Variants in P2RY12 observed in about 807,000 individuals in gnomAD.
The protein encoded by P2RY12 is purinergic receptor P2Y12, also known as P2Y purinoceptor 12.
Under a neutral mutation model 4.5 loss-of-function variants are expected in P2RY12, and 3 were observed. The ratio of observed to expected loss-of-function variants is 0.67; its 90% confidence interval spans 0.31 to 1.74. The LOEUF (loss-of-function observed/expected upper bound fraction) is 1.74, where lower values mean the gene tolerates loss of function less well. P2RY12 is among the 40% of genes most tolerant of loss of function. The probability of loss-of-function intolerance (pLI) is 0.09; values close to 1 mark genes in which losing one functional copy is unlikely to be tolerated. For missense variants in P2RY12, 356 were observed against 407.8 expected (o/e 0.87, Z 1.09); for synonymous variants, 148 against 154.1 (o/e 0.96, Z 0.29).
intron 1 of P2RY12, among the ~76,000 whole-genome samples, chr3:151,361,527 T>C (rs1234234582): frequency 6.6e-6 from 1 of 152,166 alleles, no homozygotes; most frequent in African/African-American, 2.4e-5. Flanking sequence ...CTGATAATGA[T>C]AGTAGTATTT....
In P2RY12 at chr3:151,363,319, A is replaced by G. The variant is rs1754859038; in HGVS notation, c.-180+21373T>C. On this transcript the variant is annotated intron_variant, in intron 1 of 2. Coordinates refer to ENST00000302632, the MANE Select transcript of P2RY12 (RefSeq NM_022788.5). Reference sequence around the variant, plus strand: ...AAACAAAAGCTGGATACACAGAGAGATTTCTATCAGTATGCTGATAAAACA... The same window carrying G: ...AAACAAAAGCTGGATACACAGAGAGGTTTCTATCAGTATGCTGATAAAACA... Among the ~76,000 whole-genome samples the G allele has an allele frequency of 2.6e-5, 4 of 152,320 alleles. No individual in the cohort carries two copies. The South Asian group carries it at 8.3e-4, about 32-fold the overall frequency.
At chr3:151,367,862 T>C in intron 1 of P2RY12, 1 of 1,388,074 alleles carries the variant, frequency 7.2e-7, no homozygotes, top group South Asian at 1.4e-5. Flanking sequence ...TATTTGAGGG[T>C]ATGTATATTG....
chr3:151,353,131 TA>T (rs1753445833), intron 1 of P2RY12, among the ~76,000 whole-genome samples: 1 of 152,142 alleles, frequency 6.6e-6, no homozygotes, highest in African/African-American at 2.4e-5. Context: ...CACAAACAAA[TA>T]AAAAGGTGCA....
At chr3:151,351,818 T>C (rs1202816994) in intron 1 of P2RY12, among the ~76,000 whole-genome samples, 3 of 152,188 alleles carry the variant, frequency 2.0e-5, no homozygotes, top group South Asian at 2.1e-4. Flanking sequence ...CAATGTGGTA[T>C]CCTTTTCTGT....
At position 151,337,447 on chromosome 3, in the gene P2RY12, C is replaced by T. The variant is rs1224651598; in HGVS notation, c.*370G>A. The T allele has an allele frequency of 4.8e-6, 1 of 210,364 alleles. No homozygotes were observed. Among genetic ancestry groups the T allele is most frequent in the Non-Finnish European group, 9.7e-6 (1 of 103,314 alleles). 13.0% of individuals were successfully genotyped at this position (210,364 alleles called of 1,614,324 possible). A position where few individuals can be genotyped will look rare whatever the true frequency, so the allele number is the denominator to read the frequency against. On this transcript the variant is annotated 3_prime_UTR_variant, in exon 3 of 3. Coordinates refer to ENST00000302632, the MANE Select transcript of P2RY12 (RefSeq NM_022788.5). ...GATTATATCCAATTGATCGTTCTTC[C>T]TTAGTTGATTATGAAAAAATAAAAT...
chr3:151,382,577 G>T (rs1553804279), intron 1 of P2RY12: 1 of 874,438 alleles, frequency 1.1e-6, no homozygotes, highest in South Asian at 2.1e-5. Context: ...GTGGTTTTTT[G>T]CTATCAGTAT....
Position 151,338,186 on chromosome 3 carries a change from G to T in P2RY12, c.660C>A (p.Tyr220Ter). ...TLITKELYRS[Y>*]VRTRGVGKVP... ...CTTTACCTACACCCCTCGTTCTTACGTATGACCGGTACAGTTCTTTTGTAA... is the reference window on the plus strand; with the variant it reads ...CTTTACCTACACCCCTCGTTCTTACTTATGACCGGTACAGTTCTTTTGTAA... The change falls in exon 3 of 3, where the codon TAC becomes TAA. Residue 220 changes from tyrosine (Y) to a stop codon, truncating the protein, a stop_gained. Transcript: ENST00000302632. LOFTEE classifies it low-confidence loss of function (END_TRUNC). 6.2e-7 allele frequency: 1 copy of T among 1,613,938 alleles called. No individual in the cohort carries two copies. The highest frequency in any genetic ancestry group is 8.5e-7 in the Non-Finnish European group (1 of 1,179,904).
At chr3:151,346,733 CTAAACA>C (rs1240352861) in intron 1 of P2RY12, among the ~76,000 whole-genome samples, 2 of 152,198 alleles carry the variant, frequency 1.3e-5, no homozygotes, top group African/African-American at 4.8e-5. Context: ...CCCTTCTTCC[CTAAACA>C]TAATGTGAAG....
intron 1 of P2RY12, among the ~76,000 whole-genome samples, chr3:151,347,703 G>A (rs945577970): frequency 6.6e-6 from 1 of 152,162 alleles, no homozygotes; most frequent in East Asian, 1.9e-4. Context: ...TGCAGAGGAG[G>A]AGGGGAAGTC....
Position 151,338,081 on chromosome 3 carries a change from G to A in P2RY12, c.765C>T (p.Ala255=), listed in dbSNP as rs373467127. 3.1e-6 allele frequency: 5 copies of A among 1,613,742 alleles called. No individual in the cohort carries two copies. Among genetic ancestry groups the A allele is most frequent in the East Asian group, 2.2e-5 (1 of 44,886 alleles). Residue 255 remains alanine (A), a synonymous_variant, in exon 3 of 3, where the codon GCC becomes GCT. Coordinates refer to ENST00000302632, the MANE Select transcript of P2RY12 (RefSeq NM_022788.5). ...TTTGGCTCAGGGTGTAAGGAATTCG[G>A]GCAAAATGGAAAGGAACAAAACAAA... ...FFICFVPFHF[A]RIPYTLSQTR... is the part of the protein sequence containing the mutation.
chr3:151,357,229 G>GTGT, intron 1 of P2RY12: 1 of 1,608,678 alleles, frequency 6.2e-7, no homozygotes, highest in Non-Finnish European at 8.5e-7. Context: ...AATGAACTGA[G>GTGT]TGTTGTGGAA....
intron 1 of P2RY12, among the ~76,000 whole-genome samples, chr3:151,374,433 A>G (rs1756575399): frequency 6.6e-6 from 1 of 152,184 alleles, no homozygotes; most frequent in Non-Finnish European, 1.5e-5. Context: ...CTGTCATCCC[A>G]GCTACTTGGG....
chr3:151,352,586 G>A (rs902811729), intron 1 of P2RY12, among the ~76,000 whole-genome samples: 1 of 152,152 alleles, frequency 6.6e-6, no homozygotes, highest in Non-Finnish European at 1.5e-5. Context: ...AACAGACCTT[G>A]TGTTAGCATG....
intron 1 of P2RY12, among the ~76,000 whole-genome samples, chr3:151,350,703 G>A (rs1255692628): frequency 1.3e-5 from 2 of 152,100 alleles, no homozygotes; most frequent in Non-Finnish European, 2.9e-5. Context: ...AAAAATGATT[G>A]CAGTAGGTAG....
At chr3:151,384,430 A>G (rs1712952763) in intron 1 of P2RY12, among the ~76,000 whole-genome samples, 2 of 152,248 alleles carry the variant, frequency 1.3e-5, no homozygotes, top group South Asian at 4.1e-4. Context: ...TTACATTATA[A>G]AACATGTTTA....
At chr3:151,357,941 G>A (rs867108614) in intron 1 of P2RY12, among the ~76,000 whole-genome samples, 1 of 152,170 alleles carries the variant, frequency 6.6e-6, no homozygotes, top group Non-Finnish European at 1.5e-5. Flanking sequence ...CTGAGGCTAA[G>A]GCACCAAATT....
chr3:151,341,948 G>A (rs1751901008), intron 1 of P2RY12, among the ~76,000 whole-genome samples: 1 of 152,068 alleles, frequency 6.6e-6, no homozygotes, highest in Admixed American at 6.6e-5. Flanking sequence ...TGGTGTATAT[G>A]TGCCACATTT....
At chr3:151,376,758 A>G (rs1290106010) in intron 1 of P2RY12, 2 of 1,510,280 alleles carry the variant, frequency 1.3e-6, no homozygotes, top group South Asian at 1.1e-5. Context: ...ATTTTAACAC[A>G]TTTGATACCC....
intron 1 of P2RY12, among the ~76,000 whole-genome samples, chr3:151,362,511 G>A (rs994017091): frequency 1.3e-5 from 2 of 151,966 alleles, no homozygotes; most frequent in South Asian, 2.1e-4. Flanking sequence ...ACTCACGACT[G>A]TCTCCCTGAG....
Sources: allele counts gnomAD v4.1 joint callset (sites outside exome capture counted in the v4.1 genomes callset), GRCh38; gene constraint gnomAD v4.1.1; transcripts MANE v1.5; gene names NCBI Gene and HGNC (gene_info 2026-07-23, HGNC 2026-07-21).